Variants in TRAK1 observed in about 807,000 individuals in gnomAD.
TRAK1 encodes the protein trafficking kinesin protein 1, also known as trafficking kinesin-binding protein 1.
Under a neutral mutation model 92.1 loss-of-function variants are expected in TRAK1, and 33 were observed. The ratio of observed to expected loss-of-function variants is 0.36; its 90% CI spans 0.27 to 0.48. The LOEUF (loss-of-function observed/expected upper bound fraction) is 0.48. TRAK1 is among the 20% of genes least tolerant of loss of function. The pLI is 0.99. For missense variants in TRAK1, 1,123 were observed against 1,257.9 expected (o/e 0.89, Z 1.62); for synonymous variants, 521 against 517.3 (o/e 1.01, Z -0.10).
chr3:42,178,401 A>G (rs993661139), intron 3 of TRAK1, among the ~76,000 whole-genome samples: 13 of 152,056 alleles, frequency 8.5e-5, no homozygotes, highest in African/African-American at 3.1e-4. Flanking sequence ...CACTGGGGAC[A>G]TGGCTCCTGC....
At chr3:42,066,178 TAGCC>T (rs371838734) in intron 1 of TRAK1, among the ~76,000 whole-genome samples, 1 of 151,826 alleles carries the variant, frequency 6.6e-6, no homozygotes, top group African/African-American at 2.4e-5. Flanking sequence ...TTCCAAAGAT[TAGCC>T]AGGCATGGTG....
At position 42,047,927 on chromosome 3, in the gene TRAK1, T is replaced by C. The variant is rs551713954; in HGVS notation, c.-519+33810T>C. On this transcript the variant is annotated intron_variant, in intron 1 of 16. Transcript: ENST00000487159. ...TCCCCCCCATAGTTTCTTTTCTTTT[T>C]TTTTTTTTTTTTGGTAAAATCACAT... 3.1e-4 allele frequency among the ~76,000 whole-genome samples: 46 copies of C among 150,598 alleles called. 1 individual carries two copies. Among genetic ancestry groups the C allele is most frequent in the South Asian group, 8.3e-4 (4 of 4,810 alleles).
rs1710588792 is a variant in TRAK1 at position 42,223,796 on chromosome 3, C to T, written c.*59C>T. 1 of 1,536,628 alleles carries T rather than the reference C, an allele frequency of 6.5e-7. No individual in the cohort carries two copies. The highest frequency in any genetic ancestry group is 8.8e-7 in the Non-Finnish European group (1 of 1,131,466). On this transcript the variant is annotated 3_prime_UTR_variant, in exon 16 of 16. Transcript: ENST00000327628. The surrounding 1 kb of genome is among the most constrained non-coding windows in gnomAD (Gnocchi z 6.1). ...CCCACGTTCTCCTCTCTTGCTCCCACCTCCCTCTCTTCCCCCCACAGTGCA... is the reference window on the plus strand; with the variant it reads ...CCCACGTTCTCCTCTCTTGCTCCCATCTCCCTCTCTTCCCCCCACAGTGCA...
chr3:42,116,749 C>T (rs1467323998), intron 1 of TRAK1, among the ~76,000 whole-genome samples: 7 of 152,080 alleles, frequency 4.6e-5, no homozygotes, highest in African/African-American at 1.7e-4. Flanking sequence ...ATGCTCTGCA[C>T]CCACCTCTCT....
chr3:42,046,334 C>G (rs1325623672), intron 1 of TRAK1, among the ~76,000 whole-genome samples: 1 of 123,742 alleles, frequency 8.1e-6, no homozygotes, highest in African/African-American at 4.6e-5. Flanking sequence ...CTGTAGAGAA[C>G]ATTTAAAAAA....
chr3:42,065,033 C>T (rs1378440870), intron 1 of TRAK1, among the ~76,000 whole-genome samples: 3 of 151,954 alleles, frequency 2.0e-5, no homozygotes, highest in South Asian at 2.1e-4. Context: ...GCTGAGGTCG[C>T]GCCACTGCAC....
intron 2 of TRAK1, among the ~76,000 whole-genome samples, chr3:42,130,827 T>G (rs1439542872): frequency 6.6e-6 from 1 of 152,110 alleles, no homozygotes; most frequent in African/African-American, 2.4e-5. Context: ...AGTCCAACCA[T>G]CATTGTTCAC....
intron 2 of TRAK1, among the ~76,000 whole-genome samples, chr3:42,130,608 G>A (rs541075870): frequency 1.5e-4 from 23 of 151,912 alleles, no homozygotes; most frequent in African/African-American, 5.1e-4. Context: ...TTTTTTCCGT[G>A]ACCTAACCCA....
At chr3:42,160,323 C>T in intron 2 of TRAK1, 1 of 1,611,876 alleles carries the variant, frequency 6.2e-7, no homozygotes, top group South Asian at 1.1e-5. Context: ...CAAGGATGGT[C>T]CCTTAGGGTG....
intron 1 of TRAK1, among the ~76,000 whole-genome samples, chr3:42,047,228 A>G (rs1312555436): frequency 7.4e-6 from 1 of 134,976 alleles, no homozygotes; most frequent in Non-Finnish European, 1.6e-5. Flanking sequence ...TTTTTTTTAA[A>G]TCTGTCGCCC....
At chr3:42,170,690 A>G (rs1702429505) in intron 2 of TRAK1, among the ~76,000 whole-genome samples, 1 of 152,158 alleles carries the variant, frequency 6.6e-6, no homozygotes, top group Non-Finnish European at 1.5e-5. Flanking sequence ...AGGAGGAAAA[A>G]TTATTGAGGG....
At chr3:42,063,270 GAA>G (rs1296107273) in intron 1 of TRAK1, among the ~76,000 whole-genome samples, 2 of 152,248 alleles carry the variant, frequency 1.3e-5, no homozygotes, top group African/African-American at 2.4e-5. Context: ...CGCTTCGCGG[GAA>G]AAGTTTGCCA....
chr3:42,056,601 T>G (rs1654918314), intron 1 of TRAK1, among the ~76,000 whole-genome samples: 1 of 152,206 alleles, frequency 6.6e-6, no homozygotes, highest in South Asian at 2.1e-4. Context: ...AAAGAGATTA[T>G]TTTACCCTGG....
chr3:42,154,584 T>G (rs1700333267), intron 2 of TRAK1, among the ~76,000 whole-genome samples: 1 of 152,120 alleles, frequency 6.6e-6, no homozygotes, highest in Non-Finnish European at 1.5e-5. Context: ...GCTCAAGTGA[T>G]CCTCCTGCCT....
intron 1 of TRAK1, among the ~76,000 whole-genome samples, chr3:42,035,428 C>A (rs1702291174): frequency 1.3e-5 from 2 of 152,174 alleles, no homozygotes; most frequent in Non-Finnish European, 2.9e-5. Flanking sequence ...TCCGCACCTC[C>A]ATCGTAGCCT....
chr3:42,165,906 G>T (rs1295099407), intron 2 of TRAK1, among the ~76,000 whole-genome samples: 1 of 152,040 alleles, frequency 6.6e-6, no homozygotes, highest in East Asian at 1.9e-4. Flanking sequence ...TCACCCCAAG[G>T]CTGGCCATGG....
intron 4 of TRAK1, among the ~76,000 whole-genome samples, chr3:42,186,981 T>C (rs1704978641): frequency 6.6e-6 from 1 of 152,250 alleles, no homozygotes; most frequent in African/African-American, 2.4e-5. Context: ...ATTCTTCTTA[T>C]AGCACTGGTT....
intron 1 of TRAK1, among the ~76,000 whole-genome samples, chr3:42,054,012 C>T (rs1703092357): frequency 6.6e-6 from 1 of 152,170 alleles, no homozygotes; most frequent in African/African-American, 2.4e-5. Flanking sequence ...TTTCCTAAGA[C>T]CAACATCGTG....
intron 1 of TRAK1, among the ~76,000 whole-genome samples, chr3:42,064,252 C>T (rs1418475055): frequency 6.6e-6 from 1 of 151,790 alleles, no homozygotes; most frequent in Non-Finnish European, 1.5e-5. Context: ...TCCCTTGAGC[C>T]CAGGGGTTTG....
Sources: allele counts gnomAD v4.1 joint callset (sites outside exome capture counted in the v4.1 genomes callset), GRCh38; gene constraint gnomAD v4.1.1; non-coding constraint Gnocchi (gnomAD v3.1); transcripts MANE v1.5; gene names NCBI Gene and HGNC (gene_info 2026-07-23, HGNC 2026-07-21).